The following KMO variants were observed in gnomAD, a reference collection of about 807,000 sequenced individuals.
The protein encoded by KMO is kynurenine 3-hydroxylase.
A neutral mutation model predicts 57.8 loss-of-function variants in KMO; 24 were observed. That is an observed-to-expected ratio of 0.42 (90% confidence interval 0.30 to 0.58). KMO has a LOEUF of 0.58. KMO is among the 20% of genes least tolerant of loss of function. The pLI, the probability that KMO is intolerant of heterozygous loss-of-function variation, is 0.22. For synonymous variants in KMO, 210 were observed against 193.6 expected, an observed-to-expected ratio of 1.08 and a Z score of -0.70; for missense variants, 483 against 588.2, an observed-to-expected ratio of 0.82 and a Z score of 1.85.
In KMO at chr1:241,594,831, G is replaced by T; in HGVS notation, c.*2678G>T. 2.3e-6 allele frequency: 2 copies of T among 864,034 alleles called. No individual in the cohort carries two copies. The highest frequency in any genetic ancestry group is 3.5e-6 in the Non-Finnish European group (2 of 566,412). The allele number at this position is 864,034 out of a possible 1,614,324, so 53.5% of individuals were successfully genotyped here. A position where few individuals can be genotyped will look rare whatever the true frequency, so the allele number is the denominator to read the frequency against. On this transcript the variant is annotated 3_prime_UTR_variant, in exon 15 of 15. Transcript: ENST00000366559. ...TGTGGATGTGGGGTTATGTGGTCAT[G>T]CTCAGATCTACCTAAATCACCCCAG...
chr1:241,548,951 C>A, intron 2 of KMO, 53 bp downstream of exon 2: 1 of 1,235,592 alleles, frequency 8.1e-7, no homozygotes, highest in African/African-American at 1.5e-5. Flanking sequence ...TGGCTCCTGG[C>A]ACTTTGGGAG....
intron 10 of KMO, among the ~76,000 whole-genome samples, chr1:241,583,100 T>C (rs1662820096): frequency 6.6e-6 from 1 of 152,198 alleles, no homozygotes; most frequent in African/African-American, 2.4e-5. Context: ...CTTGGGTTAC[T>C]AGGCAAAGTA....
At chr1:241,587,493 A>C (rs1663048850) in intron 11 of KMO, among the ~76,000 whole-genome samples, 1 of 152,042 alleles carries the variant, frequency 6.6e-6, no homozygotes, top group Non-Finnish European at 1.5e-5. Flanking sequence ...GAGTCACTCC[A>C]TCGCCCAGGC....
chr1:241,532,545 CTAT>C, intron 1 of KMO, 47 bp downstream of exon 1: 2 of 1,329,184 alleles, frequency 1.5e-6, no homozygotes, highest in Non-Finnish European at 2.1e-6. Flanking sequence ...ATTATATTAA[CTAT>C]TATTACTCGT....
At chr1:241,566,217 G>GA (rs1558422791) in intron 8 of KMO, among the ~76,000 whole-genome samples, 1 of 151,906 alleles carries the variant, frequency 6.6e-6, no homozygotes, top group Admixed American at 6.6e-5. Context: ...AAAAGAAAAA[G>GA]AAAAAAGAGT....
intron 10 of KMO, among the ~76,000 whole-genome samples, chr1:241,572,223 G>A (rs1642370629): frequency 6.6e-6 from 1 of 151,888 alleles, no homozygotes; most frequent in South Asian, 2.1e-4. Flanking sequence ...TCAGGTCCTG[G>A]GCTTTTCTTT....
chr1:241,578,978 G>A (rs137984345), intron 10 of KMO, among the ~76,000 whole-genome samples: 49 of 152,118 alleles, frequency 3.2e-4, no homozygotes, highest in African/African-American at 7.5e-4. Flanking sequence ...TCACTACCAC[G>A]AGAATTGTAT....
chr1:241,548,390 C>T lies in KMO; in HGVS notation c.55-439C>T, dbSNP rs927668440. The stretch of plus-strand genomic sequence containing the variant: ...ATCACAGAAGTCAGAATAATGTTTA[C>T]GTCTATGTGAGAGGAAGAGGACTGT... On this transcript the variant is annotated intron_variant, in intron 1 of 14. Coordinates refer to ENST00000366559, the MANE Select transcript of KMO (RefSeq NM_003679.5). 3.9e-5 allele frequency among the ~76,000 whole-genome samples: 6 copies of T among 152,076 alleles called. No individual in the cohort carries two copies. The East Asian group carries it at 9.7e-4, about 24-fold the overall frequency.
chr1:241,587,430 C>G (rs913282350), intron 11 of KMO, among the ~76,000 whole-genome samples: 50 of 152,106 alleles, frequency 3.3e-4, no homozygotes, highest in Non-Finnish European at 6.2e-4. Flanking sequence ...TTAGAAGCTC[C>G]AGTGTTTTTT....
chr1:241,590,020 A>G lies in KMO; in HGVS notation c.1107A>G (p.Ala369=). The G allele has an allele frequency of 6.2e-7, 1 of 1,613,396 alleles. No individual in the cohort carries two copies. Among genetic ancestry groups the G allele is most frequent in the South Asian group, 1.1e-5 (1 of 91,066 alleles). The change falls in exon 13 of 15, where the codon GCA becomes GCG. Residue 369 remains alanine, a synonymous_variant. Coordinates refer to ENST00000366559, the MANE Select transcript of KMO (RefSeq NM_003679.5). The part of the protein sequence containing the change: ...LSMYNYIEMR[A]HVNSSWFIFQ... The stretch of plus-strand genomic sequence containing the variant: ...GACTGTCATTATTGCAGATGCGAGC[A>G]CATGTCAACTCAAGCTGGTTCATTT...
intron 10 of KMO, among the ~76,000 whole-genome samples, chr1:241,580,218 T>G (rs1662698129): frequency 6.6e-6 from 1 of 152,186 alleles, no homozygotes; most frequent in Admixed American, 6.5e-5. Context: ...TAAGTTCCTG[T>G]GTTGCCTCCT....
chr1:241,587,896 T>C lies in KMO; in HGVS notation c.1016-852T>C, dbSNP rs76494272. Among the ~76,000 whole-genome samples the C allele has an allele frequency of 2.8e-3, 431 of 152,216 alleles. 2 individuals are homozygous for C. The highest frequency in any genetic ancestry group is 0.01 in the African/African-American group (421 of 41,530). ...GGATGGAGGGTTTGTATATTACATA[T>C]ATAAAAGAAGGCACAAACAACAGCC... On this transcript the variant is annotated intron_variant, in intron 11 of 14. Coordinates refer to ENST00000366559, the MANE Select transcript of KMO (RefSeq NM_003679.5).
At chr1:241,556,962 T>C (rs1661652196) in intron 5 of KMO, among the ~76,000 whole-genome samples, 1 of 151,956 alleles carries the variant, frequency 6.6e-6, no homozygotes, top group Admixed American at 6.6e-5. Flanking sequence ...GTGTGAAGAC[T>C]GAGAAAGGGT....
At position 241,591,795 on chromosome 1, in the gene KMO, T is replaced by G. The variant is rs146157352; in HGVS notation, c.1261-158T>G. On this transcript the variant is annotated intron_variant, in intron 14 of 14. Transcript: ENST00000366559. Reference sequence around the variant, plus strand: ...CTCCCAATCCTTGACTTTATCTTGATCTTATCAGTTCCTGATCTGGTGGTC... The same window carrying G: ...CTCCCAATCCTTGACTTTATCTTGAGCTTATCAGTTCCTGATCTGGTGGTC... Among the ~76,000 whole-genome samples, 58 of 152,330 alleles carry G rather than the reference T, an allele frequency of 3.8e-4. No individual in the cohort carries two copies. The East Asian group carries it at 0.011, about 28-fold the overall frequency.
intron 1 of KMO, among the ~76,000 whole-genome samples, chr1:241,545,006 G>C (rs952829159): frequency 6.6e-6 from 1 of 152,048 alleles, no homozygotes; most frequent in African/African-American, 2.4e-5. Context: ...GGTGTTTACT[G>C]GGCACAAGGA....
At position 241,551,109 on chromosome 1, in the gene KMO, T is replaced by C. The variant is rs946700902; in HGVS notation, c.312+65T>C. 13 of 867,040 alleles carry C rather than the reference T, an allele frequency of 1.5e-5. No individual in the cohort carries two copies. The Admixed American group carries it at 2.3e-4, about 15-fold the overall frequency. 53.7% of individuals were successfully genotyped at this position (867,040 alleles called of 1,614,324 possible). On this transcript the variant is annotated intron_variant, in intron 4 of 14. Coordinates refer to ENST00000366559, the MANE Select transcript of KMO (RefSeq NM_003679.5). ...GAAGTCAAAGTCTGGAACTTGCCTC[T>C]TGTTTGATGGCCCCTCTCTCTCCAG...
At chr1:241,534,901 G>A (rs914371671) in intron 1 of KMO, among the ~76,000 whole-genome samples, 1 of 151,768 alleles carries the variant, frequency 6.6e-6, no homozygotes, top group African/African-American at 2.4e-5. Context: ...TGCCTTTCTG[G>A]CTTCACCCCT....
intron 10 of KMO, among the ~76,000 whole-genome samples, chr1:241,573,831 C>T (rs1319204620): frequency 1.3e-5 from 2 of 152,022 alleles, no homozygotes; most frequent in Non-Finnish European, 2.9e-5. Flanking sequence ...ATAGGAATTA[C>T]ATTGAATCTG....
chr1:241,551,273 A>C (rs1661382911), intron 4 of KMO, among the ~76,000 whole-genome samples: 1 of 152,194 alleles, frequency 6.6e-6, no homozygotes, highest in Non-Finnish European at 1.5e-5. Context: ...TACTGCTCTT[A>C]TTGTGTCATT....
Sources: allele counts gnomAD v4.1 joint callset (sites outside exome capture counted in the v4.1 genomes callset), GRCh38; gene constraint gnomAD v4.1.1; transcripts MANE v1.5; gene names NCBI Gene and HGNC (gene_info 2026-07-23, HGNC 2026-07-21).